SH3GL3: variants seen among roughly 807,000 people sequenced by gnomAD.
SH3GL3 encodes the protein SH3 domain containing GRB2 like 3, endophilin A3.
In SH3GL3, 33 loss-of-function variants were observed where a neutral mutation model predicts 47.7. The observed-to-expected ratio is 0.69, with a 90% CI of 0.52 to 0.92. SH3GL3 has a LOEUF of 0.92. Ranked by LOEUF, SH3GL3 falls within the 40% of genes least tolerant of loss-of-function variation. SH3GL3 has a pLI of 0.00. For missense variants in SH3GL3, 363 were observed against 417.8 expected, an observed-to-expected ratio of 0.87 and a Z score of 1.14; for synonymous variants, 155 against 148.8, an observed-to-expected ratio of 1.04 and a Z score of -0.30.
At chr15:83,498,284 T>A (rs2042159138) in intron 1 of SH3GL3, among the ~76,000 whole-genome samples, 1 of 152,218 alleles carries the variant, frequency 6.6e-6, no homozygotes, top group Non-Finnish European at 1.5e-5. Context: ...TGGAGCTGAT[T>A]ACCTCCCCTT....
intron 8 of SH3GL3, among the ~76,000 whole-genome samples, chr15:83,608,878 A>G (rs1385974341): frequency 6.6e-6 from 1 of 151,988 alleles, no homozygotes; most frequent in East Asian, 1.9e-4. Context: ...TGACTGGGGC[A>G]TGGACTCCCC....
In SH3GL3 at chr15:83,448,837, C is replaced by G. The variant is rs1043678945; in HGVS notation, c.45+1259C>G. Among the ~76,000 whole-genome samples, 7 of 152,146 alleles carry G rather than the reference C, an allele frequency of 4.6e-5. No individual in the cohort carries two copies. The highest frequency in any genetic ancestry group is 8.8e-5 in the Non-Finnish European group (6 of 68,040). ...GTGATGCTGTTTCTAGCTGGGGGCA[C>G]TGGGTGGACAGTGGTGCTATTCAAG... On this transcript the variant is annotated intron_variant, in intron 1 of 8. Transcript: ENST00000427482. The surrounding 1 kb of genome is among the most constrained non-coding windows in gnomAD (Gnocchi z 4.2).
chr15:83,447,585 A>G lies in SH3GL3; in HGVS notation c.45+7A>G. 3 of 1,500,022 alleles carry G rather than the reference A, an allele frequency of 2.0e-6. No individual in the cohort carries two copies. Among genetic ancestry groups the G allele is most frequent in the Non-Finnish European group, 2.7e-6 (3 of 1,121,514 alleles). The allele number at this position is 1,500,022 out of a possible 1,614,324, so 92.9% of individuals were successfully genotyped here. ...GTTCCACAAAGCCAGCCAGGTAGGG[A>G]GGCGCAGAGGAGGGAAGGAGGGAGG... On this transcript the variant is annotated splice_region_variant and intron_variant, in intron 1 of 8. Coordinates refer to ENST00000427482, the MANE Select transcript of SH3GL3 (RefSeq NM_003027.5). The surrounding 1 kb of genome is among the most constrained non-coding windows in gnomAD (Gnocchi z 5.1).
intron 6 of SH3GL3, among the ~76,000 whole-genome samples, chr15:83,585,437 G>A (rs542198060): frequency 6.6e-6 from 1 of 152,096 alleles, no homozygotes; most frequent in South Asian, 2.1e-4. Flanking sequence ...TAAAATGCAA[G>A]CATTTTTTAA....
intron 1 of SH3GL3, among the ~76,000 whole-genome samples, chr15:83,467,127 A>C (rs1228393470): frequency 6.6e-6 from 1 of 152,256 alleles, no homozygotes; most frequent in Non-Finnish European, 1.5e-5. Flanking sequence ...GTCAGAGATC[A>C]TGAAGATTTT....
At chr15:83,595,049 C>T (rs750440054) in intron 8 of SH3GL3, among the ~76,000 whole-genome samples, 3 of 152,172 alleles carry the variant, frequency 2.0e-5, no homozygotes, top group Non-Finnish European at 4.4e-5. Context: ...GACACATACA[C>T]GTGTATGTTC....
chr15:83,566,437 G>A (rs1233026147), intron 3 of SH3GL3, among the ~76,000 whole-genome samples: 1 of 151,524 alleles, frequency 6.6e-6, no homozygotes, highest in Non-Finnish European at 1.5e-5. Flanking sequence ...TTTGGGCTTG[G>A]GGACCTGGAG....
Position 83,447,566 on chromosome 15 carries a change from C to G in SH3GL3, c.33C>G (p.His11Gln). 1 of 1,507,086 alleles carries G rather than the reference C, an allele frequency of 6.6e-7. No homozygotes were observed. The highest frequency in any genetic ancestry group is 8.9e-7 in the Non-Finnish European group (1 of 1,125,674). The allele number at this position is 1,507,086 out of a possible 1,614,324, so 93.4% of individuals were successfully genotyped here. The part of the protein sequence containing the change: MSVAGLKKQF[H>Q]KASQLFSEKI... ...TGGCCGGGCTGAAGAAGCAGTTCCACAAAGCCAGCCAGGTAGGGAGGCGCA... is the reference window on the plus strand; with the variant it reads ...TGGCCGGGCTGAAGAAGCAGTTCCAGAAAGCCAGCCAGGTAGGGAGGCGCA... The change falls in exon 1 of 9, where the codon CAC becomes CAG. Residue 11 changes from histidine to glutamine, a missense_variant. His to Gln is a conservative substitution (Grantham distance 24). Coordinates refer to ENST00000427482, the MANE Select transcript of SH3GL3 (RefSeq NM_003027.5). The surrounding 1 kb of genome is among the most constrained non-coding windows in gnomAD (Gnocchi z 5.1).
At chr15:83,612,325 C>T (rs1189089689) in intron 8 of SH3GL3, among the ~76,000 whole-genome samples, 2 of 152,232 alleles carry the variant, frequency 1.3e-5, no homozygotes, top group Non-Finnish European at 2.9e-5. Context: ...GGTGACTCGT[C>T]ACAGGAGGCC....
chr15:83,529,616 C>A (rs759645065), intron 1 of SH3GL3, among the ~76,000 whole-genome samples: 2 of 150,970 alleles, frequency 1.3e-5, no homozygotes, highest in Non-Finnish European at 2.9e-5. Flanking sequence ...TGATGGTATG[C>A]ACGAGTGCAG....
chr15:83,462,734 G>GT (rs961718422), intron 1 of SH3GL3, among the ~76,000 whole-genome samples: 1 of 152,210 alleles, frequency 6.6e-6, no homozygotes, highest in Non-Finnish European at 1.5e-5. Flanking sequence ...TTTGTCTAGT[G>GT]TCTTAAAATG....
intron 1 of SH3GL3, among the ~76,000 whole-genome samples, chr15:83,556,489 C>T (rs958402160): frequency 2.6e-5 from 4 of 152,338 alleles, no homozygotes; most frequent in Admixed American, 2.0e-4. Flanking sequence ...AACACTACTC[C>T]TTCTATTAGA....
chr15:83,507,709 C>A (rs2151622091), intron 1 of SH3GL3, among the ~76,000 whole-genome samples: 1 of 152,272 alleles, frequency 6.6e-6, no homozygotes, highest in South Asian at 2.1e-4. Flanking sequence ...GCCACCGCGC[C>A]TGGCCTCATT....
chr15:83,592,970 A>G (rs2060146878), intron 8 of SH3GL3, among the ~76,000 whole-genome samples: 1 of 152,114 alleles, frequency 6.6e-6, no homozygotes. Context: ...CTCATCCAAA[A>G]CTTCCATTTT....
intron 1 of SH3GL3, among the ~76,000 whole-genome samples, chr15:83,488,589 G>A (rs1476041263): frequency 2.0e-5 from 3 of 152,156 alleles, no homozygotes; most frequent in Non-Finnish European, 4.4e-5. Flanking sequence ...TCATGCGGGG[G>A]AAAACTCTCC....
At chr15:83,560,124 C>T (rs1245922661) in intron 2 of SH3GL3, among the ~76,000 whole-genome samples, 1 of 152,104 alleles carries the variant, frequency 6.6e-6, no homozygotes, top group Non-Finnish European at 1.5e-5. Context: ...AGACCCCCCA[C>T]CCCAGAGGAG....
intron 1 of SH3GL3, among the ~76,000 whole-genome samples, chr15:83,551,263 C>T (rs923359332): frequency 1.3e-5 from 2 of 152,172 alleles, no homozygotes; most frequent in African/African-American, 4.8e-5. Context: ...ACCAAGGCAA[C>T]CTGAGATAGG....
rs192703115 is a variant in SH3GL3, at chr15:83,473,369, C to T, written c.45+25791C>T. 7.9e-5 allele frequency among the ~76,000 whole-genome samples: 12 copies of T among 152,012 alleles called. No individual in the cohort carries two copies. The East Asian group carries it at 2.3e-3, about 29-fold the overall frequency. ...GTAGAAGTCTAGGCCCCCATTCATC[C>T]TTTGCTGGTGTGGATAAGGGTACGG... On this transcript the variant is annotated intron_variant, in intron 1 of 8. Coordinates refer to ENST00000427482, the MANE Select transcript of SH3GL3 (RefSeq NM_003027.5).
chr15:83,583,757 G>T (rs1352242968), intron 6 of SH3GL3, among the ~76,000 whole-genome samples: 2 of 152,058 alleles, frequency 1.3e-5, no homozygotes, highest in Admixed American at 1.3e-4. Flanking sequence ...GAGATAAATT[G>T]AGTTAATTCC....
Sources: allele counts gnomAD v4.1 joint callset (sites outside exome capture counted in the v4.1 genomes callset), GRCh38; gene constraint gnomAD v4.1.1; non-coding constraint Gnocchi (gnomAD v3.1); transcripts MANE v1.5; gene names NCBI Gene and HGNC (gene_info 2026-07-23, HGNC 2026-07-21).